JPT2: variants seen among roughly 807,000 people sequenced by gnomAD.
The protein encoded by JPT2 is Jupiter microtubule associated homolog 2, also known as CRAMP_1 like.
Under a neutral mutation model 15.9 loss-of-function variants are expected in JPT2, and 9 were observed. The observed-to-expected ratio is 0.57, with a 90% CI of 0.34 to 0.99. The LOEUF (loss-of-function observed/expected upper bound fraction) is 0.99. Ranked by LOEUF, JPT2 falls within the 50% of genes least tolerant of loss-of-function variation. The pLI is 0.02. For missense variants in JPT2, 267 were observed against 252.1 expected (o/e 1.06, Z -0.40); for synonymous variants, 95 against 91.7 (o/e 1.04, Z -0.21).
intron 3 of JPT2, 21 bp from the exon 4 acceptor site, chr16:1,697,791 T>C (rs888864672): frequency 4.5e-5 from 72 of 1,613,196 alleles, no homozygotes; most frequent in Non-Finnish European, 5.5e-5. Flanking sequence ...AGTCCTGATT[T>C]GGTGGTTTGC....
rs1567466852 is a variant in JPT2, at chr16:1,678,330, T to C, written c.18T>C (p.Asp6=). 4.9e-6 allele frequency: 6 copies of C among 1,235,932 alleles called. No individual in the cohort carries two copies. Among genetic ancestry groups the C allele is most frequent in the South Asian group, 4.1e-5 (1 of 24,492 alleles). The allele number at this position is 1,235,932 out of a possible 1,614,324, so 76.6% of individuals were successfully genotyped here. A position where few individuals can be genotyped will look rare whatever the true frequency, so the allele number is the denominator to read the frequency against. The change falls in exon 1 of 5, where the codon GAT becomes GAC. Residue 6 remains aspartate (D), a synonymous_variant. Transcript: ENST00000248098. MFQVP[D]SEGGRAGSRA... ...CGGTCGACATGTTCCAGGTCCCGGA[T>C]AGCGAGGGCGGCCGCGCCGGCTCCA...
In JPT2 at chr16:1,698,745, A is replaced by G; in HGVS notation, c.386-66A>G. 6.7e-7 allele frequency: 1 copy of G among 1,491,682 alleles called. No homozygotes were observed. Among genetic ancestry groups the G allele is most frequent in the East Asian group, 2.3e-5 (1 of 43,092 alleles). 92.4% of individuals were successfully genotyped at this position (1,491,682 alleles called of 1,614,324 possible). On this transcript the variant is annotated intron_variant, in intron 4 of 4. Coordinates refer to ENST00000248098, the MANE Select transcript of JPT2 (RefSeq NM_144570.3). This position sits in a 1 kb window ranked among gnomAD's most constrained non-coding sequence, Gnocchi z 4.9. ...GCTCTATGACACACTTTTTATTTCC[A>G]CAGCCTGCCTGTCAGGGTCATGGGT...
At chr16:1,691,220 G>A (rs987810543) in intron 2 of JPT2, among the ~76,000 whole-genome samples, 1 of 152,190 alleles carries the variant, frequency 6.6e-6, no homozygotes, top group Non-Finnish European at 1.5e-5. Context: ...CTAGCCTTTA[G>A]TCACCTGCTA....
downstream of JPT2, chr16:1,702,352 C>T: frequency 3.2e-6 from 1 of 310,588 alleles, no homozygotes; most frequent in Non-Finnish European, 6.7e-6. Flanking sequence ...AAATGACACG[C>T]TAAGTTTCCT....
At chr16:1,684,527 G>C (rs1450598399) in intron 1 of JPT2, among the ~76,000 whole-genome samples, 3 of 152,050 alleles carry the variant, frequency 2.0e-5, no homozygotes, top group African/African-American at 7.2e-5. Flanking sequence ...GATCACCCCA[G>C]GTCAGGAGTT....
intron 1 of JPT2, among the ~76,000 whole-genome samples, chr16:1,680,908 G>A (rs956789265): frequency 4.6e-5 from 7 of 152,156 alleles, no homozygotes; most frequent in Non-Finnish European, 7.3e-5. Flanking sequence ...GGAGACCCCC[G>A]AGGAGGGTCA....
Position 1,701,917 on chromosome 16 carries a change from C to T in JPT2, c.*2919C>T. On this transcript the variant is annotated 3_prime_UTR_variant, in exon 5 of 5. Coordinates refer to ENST00000248098, the MANE Select transcript of JPT2 (RefSeq NM_144570.3). Reference sequence around the variant, plus strand: ...ATTAGCCGGATGTGGTGGTGCATGCCTGTAGTCCCAGCTACTCGGGAGGCT... The same window carrying T: ...ATTAGCCGGATGTGGTGGTGCATGCTTGTAGTCCCAGCTACTCGGGAGGCT... 1 of 324,470 alleles carries T rather than the reference C, an allele frequency of 3.1e-6. No homozygotes were observed. Among genetic ancestry groups the T allele is most frequent in the South Asian group, 2.5e-5 (1 of 40,608 alleles). The allele number at this position is 324,470 out of a possible 1,614,324, so 20.1% of individuals were successfully genotyped here. A position where few individuals can be genotyped will look rare whatever the true frequency, so the allele number is the denominator to read the frequency against.
At chr16:1,679,941 C>T (rs1567467456) in intron 1 of JPT2, among the ~76,000 whole-genome samples, 1 of 151,986 alleles carries the variant, frequency 6.6e-6, no homozygotes, top group Non-Finnish European at 1.5e-5. Context: ...TGCCTGTAGT[C>T]CCAGTTCCTT....
At chr16:1,689,549 A>G (rs970146648) in intron 2 of JPT2, 3 of 152,058 alleles carry the variant, frequency 2.0e-5, no homozygotes, top group African/African-American at 7.3e-5. Flanking sequence ...ACCGCCTCCA[A>G]CTTCTGAGCT....
At chr16:1,684,255 C>G (rs2037046930) in intron 1 of JPT2, among the ~76,000 whole-genome samples, 1 of 152,150 alleles carries the variant, frequency 6.6e-6, no homozygotes, top group Admixed American at 6.5e-5. Context: ...TTGCTTAGGA[C>G]TAGTGAGAGA....
chr16:1,695,613 A>G (rs112978552), intron 3 of JPT2, among the ~76,000 whole-genome samples: 11 of 151,836 alleles, frequency 7.2e-5, no homozygotes, highest in African/African-American at 2.2e-4. Flanking sequence ...GCTCATGCCT[A>G]TAACCCCAGC....
chr16:1,694,370 A>G (rs960277655), intron 3 of JPT2, among the ~76,000 whole-genome samples: 14 of 152,232 alleles, frequency 9.2e-5, no homozygotes, highest in African/African-American at 2.4e-4. Flanking sequence ...GCTCAGAACA[A>G]TGGCTTACAT....
At chr16:1,691,390 G>C (rs191680921) in intron 2 of JPT2, among the ~76,000 whole-genome samples, 1 of 152,312 alleles carries the variant, frequency 6.6e-6, no homozygotes, top group African/African-American at 2.4e-5. Flanking sequence ...ATATTTTCAG[G>C]ATGGCAGGTT....
intron 1 of JPT2, among the ~76,000 whole-genome samples, chr16:1,679,167 T>G (rs1260511115): frequency 6.6e-6 from 1 of 152,242 alleles, no homozygotes; most frequent in Non-Finnish European, 1.5e-5. Flanking sequence ...TTCGTGCCAC[T>G]TGAGCAGTAA....
chr16:1,688,090 C>T (rs1035818522), intron 2 of JPT2, among the ~76,000 whole-genome samples: 10 of 152,216 alleles, frequency 6.6e-5, no homozygotes, highest in Admixed American at 1.3e-4. Flanking sequence ...TGATGACCAA[C>T]GTCTATGAAT....
chr16:1,697,689 G>T, intron 3 of JPT2, 123 bp from the exon 4 acceptor site: 1 of 811,144 alleles, frequency 1.2e-6, no homozygotes, highest in Non-Finnish European at 2.1e-6. Flanking sequence ...GGGGGGTCCT[G>T]AGGTCAGATA....
At chr16:1,692,327 T>G in intron 3 of JPT2, 1 of 291,206 alleles carries the variant, frequency 3.4e-6, no homozygotes, top group Non-Finnish European at 6.6e-6. Flanking sequence ...CTTGTCCGTC[T>G]TCCACTCTTC....
chr16:1,696,049 T>G (rs1260374573), intron 3 of JPT2, among the ~76,000 whole-genome samples: 1 of 151,614 alleles, frequency 6.6e-6, no homozygotes, highest in Non-Finnish European at 1.5e-5. Context: ...GCCAACATGG[T>G]GAAACCCCAT....
Position 1,691,905 on chromosome 16 carries a change from C to A in JPT2, c.256C>A (p.Pro86Thr). 6.2e-7 allele frequency: 1 copy of A among 1,614,140 alleles called. No individual in the cohort carries two copies. Among genetic ancestry groups the A allele is most frequent in the African/African-American group, 1.3e-5 (1 of 75,034 alleles). ...CGTGCAGACTCGACAGCACCTGAAC[C>A]CACCTGGAGGGAAGACCAGCGACAT... ...TPVQTRQHLN[P>T]PGGKTSDIFG... The change falls in exon 3 of 5, where the codon CCA (proline) becomes ACA (threonine). Residue 86 changes from proline to threonine, a missense_variant. Pro to Thr is a conservative substitution (Grantham distance 38). Transcript: ENST00000248098.
Sources: gnomAD v4.1 joint callset for allele counts (sites outside exome capture counted in the v4.1 genomes callset) on GRCh38, gnomAD v4.1.1 for gene constraint, Gnocchi (gnomAD v3.1) non-coding constraint, MANE v1.5 for transcripts, NCBI Gene and HGNC (gene_info 2026-07-23, HGNC 2026-07-21) for gene names.